CALHM3: variants seen among roughly 807,000 people sequenced by gnomAD.
CALHM3 encodes the protein calcium homeostasis modulator protein 3.
A neutral mutation model predicts 13.6 loss-of-function variants in CALHM3; 9 were observed. That is an observed-to-expected ratio of 0.66 (90% CI 0.40 to 1.15). The LOEUF (loss-of-function observed/expected upper bound fraction) is 1.15. Ranked by LOEUF, CALHM3 falls within the 50% of genes most tolerant of loss-of-function variation. The pLI is 0.01. For missense variants in CALHM3, 497 were observed against 463.4 expected (o/e 1.07, Z -0.67); for synonymous variants, 231 against 213.2 (o/e 1.08, Z -0.73).
At chr10:103,475,801 G>A (rs1245490680) in intron 2 of CALHM3, among the ~76,000 whole-genome samples, 1 of 152,214 alleles carries the variant, frequency 6.6e-6, no homozygotes, top group African/African-American at 2.4e-5. Context: ...TAGGCTGGGG[G>A]TAGAGCTGGG....
intron 2 of CALHM3, among the ~76,000 whole-genome samples, chr10:103,474,979 C>T (rs1030146936): frequency 1.3e-5 from 2 of 152,160 alleles, no homozygotes; most frequent in Non-Finnish European, 2.9e-5. Context: ...GAGGGACACC[C>T]ATCCTGACTT....
intron 2 of CALHM3, 145 bp from the exon 3 acceptor site, chr10:103,473,849 T>C: frequency 9.1e-7 from 1 of 1,103,476 alleles, no homozygotes; most frequent in Non-Finnish European, 1.2e-6. Flanking sequence ...TGGATTCAAA[T>C]ACTCCTTAGA....
Position 103,473,402 on chromosome 10 carries a change from A to T in CALHM3, c.846T>A (p.Ser282Arg). ...AVPEPPEGLD[S>R]GSGKAHLRAI... ...CGCGCAGGTGGGCCTTCCCACTTCC[A>T]CTATCCAGGCCTTCTGGGGGCTCAG... The change falls in exon 3 of 3, where the codon AGT becomes AGA. Residue 282 changes from serine to arginine, a missense_variant. By Grantham distance (110) the Ser-to-Arg change is moderately radical. Coordinates refer to ENST00000369783, the MANE Select transcript of CALHM3 (RefSeq NM_001129742.2). 33 of 1,483,736 alleles carry T rather than the reference A, an allele frequency of 2.2e-5. No homozygotes were observed. The highest frequency in any genetic ancestry group is 2.6e-5 in the Non-Finnish European group (29 of 1,119,760). The allele number at this position is 1,483,736 out of a possible 1,614,324, so 91.9% of individuals were successfully genotyped here. A position where few individuals can be genotyped will look rare whatever the true frequency, so the allele number is the denominator to read the frequency against.
At chr10:103,477,522 C>T (rs1448463562) in intron 1 of CALHM3, among the ~76,000 whole-genome samples, 1 of 152,150 alleles carries the variant, frequency 6.6e-6, no homozygotes, top group Non-Finnish European at 1.5e-5. Flanking sequence ...GCATGGCCTA[C>T]CCAGTGTGAG....
chr10:103,475,319 A>G lies in CALHM3; in HGVS notation c.543+975T>C, dbSNP rs2033376379. On this transcript the variant is annotated intron_variant, in intron 2 of 2. Coordinates refer to ENST00000369783, the MANE Select transcript of CALHM3 (RefSeq NM_001129742.2). ...CACAGGACTCCCCCAACATCACCAGATTTAAGGTGAGTATTTTATACACGA... is the reference window on the plus strand; with the variant it reads ...CACAGGACTCCCCCAACATCACCAGGTTTAAGGTGAGTATTTTATACACGA... Among the ~76,000 whole-genome samples, 2 of 152,238 alleles carry G rather than the reference A, an allele frequency of 1.3e-5. 1 individual carries two copies. The highest frequency in any genetic ancestry group is 4.1e-4 in the South Asian group (2 of 4,824).
chr10:103,473,247 A>G lies in CALHM3; in HGVS notation c.1001T>C (p.Leu334Pro). 6.9e-7 allele frequency: 1 copy of G among 1,441,318 alleles called. No homozygotes were observed. Among genetic ancestry groups the G allele is most frequent in the Non-Finnish European group, 9.1e-7 (1 of 1,094,262 alleles). The allele number at this position is 1,441,318 out of a possible 1,614,324, so 89.3% of individuals were successfully genotyped here. A position where few individuals can be genotyped will look rare whatever the true frequency, so the allele number is the denominator to read the frequency against. ...GLSHRAPTLALGTRLSQHTDV is the reference protein window; with the variant it reads ...GLSHRAPTLAPGTRLSQHTDV ...GGTGTGTTGTGACAGCCTCGTGCCC[A>G]GTGCCAAGGTAGGGGCGCGGTGGCT... The change falls in exon 3 of 3, where the codon CTG (leucine) becomes CCG (proline). Residue 334 changes from leucine to proline, a missense_variant. By Grantham distance (98) the Leu-to-Pro change is moderately conservative. Coordinates refer to ENST00000369783, the MANE Select transcript of CALHM3 (RefSeq NM_001129742.2).
rs757750026 is a variant in CALHM3, at chr10:103,476,323, C to T, written c.514G>A (p.Val172Met). ...LVRDSPARKA[V>M]SRYLRCLSQA... ...GACAGGCACCGCAGGTAGCGAGACACTGCCTTCCGAGCAGGGCTATCCCTG... is the reference window on the plus strand; with the variant it reads ...GACAGGCACCGCAGGTAGCGAGACATTGCCTTCCGAGCAGGGCTATCCCTG... Residue 172 changes from valine to methionine, a missense_variant, in exon 2 of 3, where the codon GTG becomes ATG. Val to Met is a conservative substitution (Grantham distance 21, BLOSUM62 1). Transcript: ENST00000369783. 23 of 1,551,462 alleles carry T rather than the reference C, an allele frequency of 1.5e-5. No homozygotes were observed. The East Asian group carries it at 1.7e-4, about 12-fold the overall frequency.
At chr10:103,476,145 G>A in intron 2 of CALHM3, 149 bp downstream of exon 2, 1 of 1,051,858 alleles carries the variant, frequency 9.5e-7, no homozygotes, top group Non-Finnish European at 1.4e-6. Context: ...CGCAGGCAAG[G>A]CAGAGCAGTG....
chr10:103,477,262 C>T (rs1592164096), intron 1 of CALHM3, among the ~76,000 whole-genome samples: 2 of 152,300 alleles, frequency 1.3e-5, no homozygotes, highest in East Asian at 1.9e-4. Flanking sequence ...TCAACTCTGC[C>T]CCTGCCTGTA....
At position 103,476,437 on chromosome 10, in the gene CALHM3, G is replaced by T. The variant is rs755188875; in HGVS notation, c.400C>A (p.Pro134Thr). 14 of 1,551,724 alleles carry T rather than the reference G, an allele frequency of 9.0e-6. No individual in the cohort carries two copies. Among genetic ancestry groups the T allele is most frequent in the Non-Finnish European group, 1.2e-5 (14 of 1,147,010 alleles). The change falls in exon 2 of 3, where the codon CCT (proline) becomes ACT (threonine). Residue 134 changes from proline to threonine, a missense_variant. Coordinates refer to ENST00000369783, the MANE Select transcript of CALHM3 (RefSeq NM_001129742.2). ...TTGGCAAAGTCCAGAAACTTCTCAG[G>T]GTCCACAGAGCTGCTGAAGGCACAC... ...FVCAFSSSVDPEKFLDFANMT... is the reference protein window; with the variant it reads ...FVCAFSSSVDTEKFLDFANMT...
rs1295444599 is a variant in CALHM3 at position 103,473,192 on chromosome 10, G to A, written c.*21C>T. Reference sequence around the variant, plus strand: ...CGGCATTTCACCTGCGAACACTGCCGCTTCAAGCCTGGCCAGGACCCTACA... The same window carrying A: ...CGGCATTTCACCTGCGAACACTGCCACTTCAAGCCTGGCCAGGACCCTACA... On this transcript the variant is annotated 3_prime_UTR_variant, in exon 3 of 3. Coordinates refer to ENST00000369783, the MANE Select transcript of CALHM3 (RefSeq NM_001129742.2). The A allele has an allele frequency of 1.5e-6, 2 of 1,330,046 alleles. No homozygotes were observed. The highest frequency in any genetic ancestry group is 3.0e-5 in the East Asian group (1 of 33,232). 82.4% of individuals were successfully genotyped at this position (1,330,046 alleles called of 1,614,324 possible).
Position 103,479,217 on chromosome 10 carries a change from T to A in CALHM3, c.-185A>T. 1 of 660,486 alleles carries A rather than the reference T, an allele frequency of 1.5e-6. No homozygotes were observed. Among genetic ancestry groups the A allele is most frequent in the Non-Finnish European group, 2.5e-6 (1 of 398,500 alleles). 40.9% of individuals were successfully genotyped at this position (660,486 alleles called of 1,614,324 possible). ...CCCAGCCCAGGCTCCCGGGATCCAGTAGGCACTTAAGGCAGGGACAGGCTC... is the reference window on the plus strand; with the variant it reads ...CCCAGCCCAGGCTCCCGGGATCCAGAAGGCACTTAAGGCAGGGACAGGCTC... On this transcript the variant is annotated 5_prime_UTR_variant, in exon 1 of 3. Coordinates refer to ENST00000369783, the MANE Select transcript of CALHM3 (RefSeq NM_001129742.2).
Position 103,478,842 on chromosome 10 carries a change from A to G in CALHM3, c.191T>C (p.Phe64Ser). 1 of 1,551,666 alleles carries G rather than the reference A, an allele frequency of 6.4e-7. No homozygotes were observed. The change falls in exon 1 of 3, where the codon TTT becomes TCT. Residue 64 changes from phenylalanine (F) to serine (S), a missense_variant. Transcript: ENST00000369783. ...CCGGTTGGCGAGGAGGCCGCAGAGA[A>G]ACAGGGCGAGCGGGGGCGTCAGCAG... ...GLLLTPPLAL[F>S]LCGLLANRQS...
intron 2 of CALHM3, among the ~76,000 whole-genome samples, chr10:103,475,800 G>A (rs1051770624): frequency 5.9e-5 from 9 of 152,224 alleles, no homozygotes; most frequent in African/African-American, 2.2e-4. Context: ...CTAGGCTGGG[G>A]GTAGAGCTGG....
chr10:103,473,296 G>C lies in CALHM3; in HGVS notation c.952C>G (p.Pro318Ala). The change falls in exon 3 of 3, where the codon CCC becomes GCC. Residue 318 changes from proline to alanine, a missense_variant. Pro to Ala is a conservative substitution (Grantham distance 27, BLOSUM62 -1). Coordinates refer to ENST00000369783, the MANE Select transcript of CALHM3 (RefSeq NM_001129742.2). The part of the protein sequence containing the change: ...SKPPLDLAAS[P>A]GLCGGGLSHR... Reference sequence around the variant, plus strand: ...CTAAGGCCACCCCCGCAGAGCCCGGGGGATGCAGCCAGGTCCAGCGGCGGC... The same window carrying C: ...CTAAGGCCACCCCCGCAGAGCCCGGCGGATGCAGCCAGGTCCAGCGGCGGC... The C allele has an allele frequency of 1.3e-6, 2 of 1,482,286 alleles. No homozygotes were observed. The allele number at this position is 1,482,286 out of a possible 1,614,324, so 91.8% of individuals were successfully genotyped here.
chr10:103,475,859 A>ACC (rs1440088981), intron 2 of CALHM3, among the ~76,000 whole-genome samples: 7 of 152,180 alleles, frequency 4.6e-5, no homozygotes, highest in African/African-American at 1.7e-4. Context: ...GAAGATCAGC[A>ACC]TCTGGAGAGA....
rs1226197306 is a variant in CALHM3, at chr10:103,476,503, C to T, written c.334G>A (p.Val112Ile). Residue 112 changes from valine (V) to isoleucine (I), a missense_variant, in exon 2 of 3, where the codon GTC becomes ATC. Coordinates refer to ENST00000369783, the MANE Select transcript of CALHM3 (RefSeq NM_001129742.2). Reference sequence around the variant, plus strand: ...TCAAGGAGGGCCAGCAGGATCCAGACCAGGGGGGCGGCCAGCGCCCTCTGC... The same window carrying T: ...TCAAGGAGGGCCAGCAGGATCCAGATCAGGGGGGCGGCCAGCGCCCTCTGC... The part of the protein sequence containing the change: ...VLQRALAAPL[V>I]WILLALLDGK... 2 of 1,551,500 alleles carry T rather than the reference C, an allele frequency of 1.3e-6. No individual in the cohort carries two copies. The highest frequency in any genetic ancestry group is 2.0e-5 in the Admixed American group (1 of 50,992).
intron 2 of CALHM3, among the ~76,000 whole-genome samples, chr10:103,475,920 C>A (rs771665397): frequency 1.3e-5 from 2 of 152,194 alleles, no homozygotes; most frequent in African/African-American, 2.4e-5. Context: ...TCCTTCCGAT[C>A]CCTGCTCTGC....
rs1222604691 is a variant in CALHM3, at chr10:103,473,052, G to C, written c.*161C>G. ...TTAAAGTTTGTGAAGCGCGCTGGAG[G>C]CCACACCCAGAAACTAGGCAGAGAT... On this transcript the variant is annotated 3_prime_UTR_variant, in exon 3 of 3. Coordinates refer to ENST00000369783, the MANE Select transcript of CALHM3 (RefSeq NM_001129742.2). The C allele has an allele frequency of 1.1e-4, 79 of 730,020 alleles. 1 individual carries two copies. The highest frequency in any genetic ancestry group is 7.6e-6 in the Non-Finnish European group (4 of 524,846). 45.2% of individuals were successfully genotyped at this position (730,020 alleles called of 1,614,324 possible). A position where few individuals can be genotyped will look rare whatever the true frequency, so the allele number is the denominator to read the frequency against.
Sources: allele counts gnomAD v4.1 joint callset (sites outside exome capture counted in the v4.1 genomes callset), GRCh38; gene constraint gnomAD v4.1.1; transcripts MANE v1.5; gene names NCBI Gene and HGNC (gene_info 2026-07-23, HGNC 2026-07-21).